PTGFRN: variants seen among roughly 807,000 people sequenced by gnomAD.
The protein encoded by PTGFRN is prostaglandin F2 receptor negative regulator.
In PTGFRN, 35 loss-of-function variants were observed where a neutral mutation model predicts 83.2. That is an observed-to-expected ratio of 0.42 (90% confidence interval 0.32 to 0.56). The LOEUF (loss-of-function observed/expected upper bound fraction) is 0.56, where lower values mean the gene tolerates loss of function less well. Among genes scored for constraint, PTGFRN ranks in the 20% least tolerant of loss-of-function variants. The probability of loss-of-function intolerance (pLI) is 0.11; values close to 1 mark genes in which losing one functional copy is unlikely to be tolerated. For synonymous variants in PTGFRN, 519 were observed against 498.6 expected, an observed-to-expected ratio of 1.04 and a Z score of -0.55; for missense variants, 1,051 against 1,179.5, an observed-to-expected ratio of 0.89 and a Z score of 1.60.
chr1:116,940,648 C>T (rs569486492), intron 1 of PTGFRN, among the ~76,000 whole-genome samples: 1 of 152,288 alleles, frequency 6.6e-6, no homozygotes, highest in Admixed American at 6.5e-5. Flanking sequence ...GGTAGACTCT[C>T]ACCTAGACAT....
intron 1 of PTGFRN, among the ~76,000 whole-genome samples, chr1:116,927,543 TTG>T (rs1553240848): frequency 2.0e-5 from 3 of 148,308 alleles, no homozygotes; most frequent in East Asian, 2.0e-4. Context: ...TTTTTTTTTT[TTG>T]ATACAGGGTC....
chr1:116,978,253 T>G (rs1173479221), intron 7 of PTGFRN, among the ~76,000 whole-genome samples: 1 of 152,042 alleles, frequency 6.6e-6, no homozygotes, highest in African/African-American at 2.4e-5. Flanking sequence ...CCAAAAAAAG[T>G]CCAGGAGCAG....
rs1375540218 is a variant in PTGFRN at position 116,944,665 on chromosome 1, TTCTC to T, written c.419-9_419-6del. On this transcript the variant is annotated splice_polypyrimidine_tract_variant and intron_variant, in intron 2 of 8. Coordinates refer to ENST00000393203, the MANE Select transcript of PTGFRN (RefSeq NM_020440.4). ...GTGTGGACGGGCTACTGACCTAGCTTTCTCTCTCCGCAGTGCTGGCCGACTCCCT... is the reference window on the plus strand; with the variant it reads ...GTGTGGACGGGCTACTGACCTAGCTTTCTCCGCAGTGCTGGCCGACTCCCT... 2 of 1,405,904 alleles carry T rather than the reference TTCTC, an allele frequency of 1.4e-6. No homozygotes were observed. The highest frequency in any genetic ancestry group is 3.0e-5 in the African/African-American group (2 of 66,522). The allele number at this position is 1,405,904 out of a possible 1,614,324, so 87.1% of individuals were successfully genotyped here.
intron 5 of PTGFRN, among the ~76,000 whole-genome samples, chr1:116,962,781 C>T (rs1163767091): frequency 6.6e-6 from 1 of 152,208 alleles, no homozygotes; most frequent in African/African-American, 2.4e-5. Context: ...CAACAATCCC[C>T]CAACCTTACT....
intron 1 of PTGFRN, among the ~76,000 whole-genome samples, chr1:116,926,144 C>T (rs928000921): frequency 3.3e-5 from 5 of 152,280 alleles, no homozygotes; most frequent in South Asian, 2.1e-4. Context: ...AGTCAAATAA[C>T]GGGAGAGAGG....
intron 2 of PTGFRN, among the ~76,000 whole-genome samples, chr1:116,942,567 A>G (rs1052265002): frequency 2.6e-5 from 4 of 152,240 alleles, no homozygotes; most frequent in Non-Finnish European, 4.4e-5. Flanking sequence ...GGTTAGTGAC[A>G]GGAAGGGGAT....
chr1:116,938,968 C>T (rs922731193), intron 1 of PTGFRN, among the ~76,000 whole-genome samples: 3 of 152,230 alleles, frequency 2.0e-5, no homozygotes, highest in African/African-American at 7.2e-5. Context: ...GAATGATCTC[C>T]GTTGACTCCA....
In PTGFRN at chr1:116,978,494, TCCAGCAGCACATCAAAAGGCTTATACAC is replaced by T. The variant is rs536409737; in HGVS notation, c.2167+4173_2167+4200del. 1.6e-3 allele frequency among the ~76,000 whole-genome samples: 247 copies of T among 152,252 alleles called. 2 individuals carry two copies. Among genetic ancestry groups the T allele is most frequent in the African/African-American group, 5.6e-3 (231 of 41,530 alleles). ...CTCAATAAAATACTGGCAAACCGAATCCAGCAGCACATCAAAAGGCTTATACACCATGATCAAATGGGCTTCATCCCTG... is the reference window on the plus strand; with the variant it reads ...CTCAATAAAATACTGGCAAACCGAATCATGATCAAATGGGCTTCATCCCTG... On this transcript the variant is annotated intron_variant, in intron 7 of 8. Coordinates refer to ENST00000393203, the MANE Select transcript of PTGFRN (RefSeq NM_020440.4).
At chr1:116,979,243 A>G (rs911193849) in intron 7 of PTGFRN, among the ~76,000 whole-genome samples, 1 of 152,230 alleles carries the variant, frequency 6.6e-6, no homozygotes, top group South Asian at 2.1e-4. Context: ...ATGGAAGAAC[A>G]TTCCATCCTC....
At position 116,941,195 on chromosome 1, in the gene PTGFRN, TGTC is replaced by T. The variant is rs1244027526; in HGVS notation, c.50-519_50-517del. Reference sequence around the variant, plus strand: ...TATTTTAAAATTAATTTATAGGCAATGTCAGATAACAGGAGTTAAATCATTTTA... The same window carrying T: ...TATTTTAAAATTAATTTATAGGCAATAGATAACAGGAGTTAAATCATTTTA... On this transcript the variant is annotated intron_variant, in intron 1 of 8. Transcript: ENST00000393203. The surrounding 1 kb of genome is among the most constrained non-coding windows in gnomAD (Gnocchi z 5.0). 3.9e-5 allele frequency among the ~76,000 whole-genome samples: 6 copies of T among 152,228 alleles called. No individual in the cohort carries two copies. The highest frequency in any genetic ancestry group is 7.3e-5 in the Non-Finnish European group (5 of 68,044).
chr1:116,954,042 G>C (rs1458141756), intron 4 of PTGFRN, among the ~76,000 whole-genome samples: 2 of 151,738 alleles, frequency 1.3e-5, no homozygotes, highest in African/African-American at 4.8e-5. Flanking sequence ...ATTTTTAGTA[G>C]AGATAGGGTT....
rs561972598 is a variant in PTGFRN at position 116,961,237 on chromosome 1, G to A, written c.1214-6G>A. 1.3e-4 allele frequency: 189 copies of A among 1,499,764 alleles called. No homozygotes were observed. The highest frequency in any genetic ancestry group is 1.8e-4 in the Middle Eastern group (1 of 5,546). The allele number at this position is 1,499,764 out of a possible 1,614,324, so 92.9% of individuals were successfully genotyped here. On this transcript the variant is annotated splice_polypyrimidine_tract_variant and splice_region_variant and intron_variant, in intron 4 of 8. Transcript: ENST00000393203. The surrounding 1 kb of genome is among the most constrained non-coding windows in gnomAD (Gnocchi z 5.4). The stretch of plus-strand genomic sequence containing the variant: ...TCCTATCCTGGCCTTTCTGTCTCTC[G>A]TTCAGAACCAGACTACCAGGTGTAC...
intron 5 of PTGFRN, among the ~76,000 whole-genome samples, chr1:116,963,123 C>G (rs1352239665): frequency 2.6e-5 from 4 of 152,202 alleles, no homozygotes; most frequent in Admixed American, 2.6e-4. Context: ...CTACCTGTGC[C>G]CACAGAGCTA....
At chr1:116,916,821 G>T (rs1211075360) in intron 1 of PTGFRN, among the ~76,000 whole-genome samples, 4 of 152,082 alleles carry the variant, frequency 2.6e-5, no homozygotes, top group Non-Finnish European at 5.9e-5. Flanking sequence ...TTACACGCCG[G>T]GCATTGTTCT....
At chr1:116,974,457 T>C in intron 7 of PTGFRN, 134 bp downstream of exon 7, 1 of 621,874 alleles carries the variant, frequency 1.6e-6, no homozygotes. Context: ...GGCCCAGTAC[T>C]TTGTACTCAT....
intron 7 of PTGFRN, among the ~76,000 whole-genome samples, chr1:116,980,501 T>C (rs1181247867): frequency 6.6e-6 from 1 of 152,184 alleles, no homozygotes; most frequent in African/African-American, 2.4e-5. Context: ...GTGGCACATA[T>C]ACACCATGGA....
chr1:116,973,549 G>A (rs1042875061), intron 6 of PTGFRN, among the ~76,000 whole-genome samples: 2 of 143,572 alleles, frequency 1.4e-5, no homozygotes, highest in Non-Finnish European at 3.0e-5. Flanking sequence ...AGGTTGCAGT[G>A]AGCCGAGATC....
In PTGFRN at chr1:116,949,549, C is replaced by G. The variant is rs1650287421; in HGVS notation, c.1190C>G (p.Ala397Gly). The change falls in exon 4 of 9, where the codon GCT becomes GGT. Residue 397 changes from alanine (A) to glycine (G), a missense_variant. Physicochemically the swap from Ala to Gly is moderately conservative, Grantham distance 60 (BLOSUM62 0). Transcript: ENST00000393203. ...HKVAEAVSSP[A>G]GVGVTWLEPD... ...GTGGCAGAGGCCGTGTCTTCCCCAG[C>G]TGGTGTGGGTGTGACCTGGCTAGGT... is the stretch of plus-strand genomic sequence containing the variant. The G allele has an allele frequency of 1.8e-5, 29 of 1,613,390 alleles. No homozygotes were observed. The highest frequency in any genetic ancestry group is 2.5e-5 in the Non-Finnish European group (29 of 1,179,864).
chr1:116,982,155 C>T (rs1202018563), intron 7 of PTGFRN, among the ~76,000 whole-genome samples: 1 of 152,118 alleles, frequency 6.6e-6, no homozygotes, highest in Non-Finnish European at 1.5e-5. Flanking sequence ...TGGGAAAATG[C>T]GATACCATGT....
Sources: gnomAD v4.1 joint callset for allele counts (sites outside exome capture counted in the v4.1 genomes callset) on GRCh38, gnomAD v4.1.1 for gene constraint, Gnocchi (gnomAD v3.1) non-coding constraint, MANE v1.5 for transcripts, NCBI Gene and HGNC (gene_info 2026-07-23, HGNC 2026-07-21) for gene names.